The following RERE variants were observed in gnomAD, a reference collection of about 807,000 sequenced individuals.
The protein encoded by RERE is arginine-glutamic acid dipeptide repeats protein.
A neutral mutation model predicts 146.1 loss-of-function variants in RERE; 40 were observed. The ratio of observed to expected loss-of-function variants is 0.27; its 90% CI spans 0.21 to 0.36. The LOEUF is 0.36. RERE is among the 10% of genes least tolerant of loss of function. RERE has a pLI of 1.00. For missense variants in RERE, 1,933 were observed against 2,138.7 expected (o/e 0.90, Z 1.90); for synonymous variants, 1,003 against 866.0 (o/e 1.16, Z -2.78).
At chr1:8,729,034 G>C (rs1205904776) in intron 1 of RERE, among the ~76,000 whole-genome samples, 1 of 151,748 alleles carries the variant, frequency 6.6e-6, no homozygotes, top group Non-Finnish European at 1.5e-5. Flanking sequence ...GCATGGTGGC[G>C]CAAGCCTGTA....
At chr1:8,764,343 A>G (rs1557528376) in intron 1 of RERE, among the ~76,000 whole-genome samples, 1 of 152,190 alleles carries the variant, frequency 6.6e-6, no homozygotes, top group South Asian at 2.1e-4. Context: ...AATGAGAGGA[A>G]ACAAGGAACA....
intron 8 of RERE, among the ~76,000 whole-genome samples, chr1:8,501,928 A>G (rs1473507872): frequency 3.3e-5 from 2 of 60,124 alleles, no homozygotes; most frequent in African/African-American, 6.7e-5. Context: ...CCCGTCCGGG[A>G]GGGAGGTGGG....
chr1:8,775,257 C>T (rs1235317685), intron 1 of RERE, among the ~76,000 whole-genome samples: 1 of 152,150 alleles, frequency 6.6e-6, no homozygotes, highest in Non-Finnish European at 1.5e-5. Context: ...CCACACCCAG[C>T]CACATTTCTT....
chr1:8,779,798 C>T (rs1315146531), intron 1 of RERE, among the ~76,000 whole-genome samples: 1 of 152,084 alleles, frequency 6.6e-6, no homozygotes, highest in Non-Finnish European at 1.5e-5. Flanking sequence ...AGTGTTACAG[C>T]AGTAAAAAAC....
intron 4 of RERE, among the ~76,000 whole-genome samples, chr1:8,564,737 C>T (rs1386642693): frequency 3.3e-5 from 5 of 151,756 alleles, no homozygotes; most frequent in Non-Finnish European, 7.4e-5. Context: ...GTACTATTCA[C>T]AATAAACAAG....
chr1:8,570,052 T>A (rs923402798), intron 4 of RERE, among the ~76,000 whole-genome samples: 4 of 151,978 alleles, frequency 2.6e-5, no homozygotes, highest in African/African-American at 4.8e-5. Flanking sequence ...AATAAAAAAA[T>A]TTCTGGCTGG....
rs112288568 is a variant in RERE, at chr1:8,716,149, GA to G, written c.-144-59709del. Among the ~76,000 whole-genome samples the G allele has an allele frequency of 1.1e-4, 16 of 142,856 alleles. No individual in the cohort carries two copies. The East Asian group carries it at 1.2e-3, about 11-fold the overall frequency. 93.7% of individuals were successfully genotyped at this position (142,856 alleles called of 152,430 possible). On this transcript the variant is annotated intron_variant, in intron 1 of 22. Coordinates refer to ENST00000400908, the MANE Select transcript of RERE (RefSeq NM_001042681.2). ...AACAAAGTAAGGCCCCATCTCGAGG[GA>G]AAAAAAAAAGACAAAAAGAAAAGAT...
At chr1:8,473,409 G>C (rs954633003) in intron 10 of RERE, among the ~76,000 whole-genome samples, 3 of 152,200 alleles carry the variant, frequency 2.0e-5, no homozygotes, top group African/African-American at 7.2e-5. Context: ...TGCAAAGACA[G>C]GCATGCATGA....
intron 1 of RERE, chr1:8,799,435 G>A (rs1455680299): frequency 1.6e-5 from 3 of 183,110 alleles, no homozygotes; most frequent in Non-Finnish European, 3.6e-5. Context: ...TTACTGAGAG[G>A]CCAGGGTCAA....
intron 7 of RERE, among the ~76,000 whole-genome samples, chr1:8,515,771 A>G (rs373889273): frequency 1.3e-5 from 2 of 152,150 alleles, no homozygotes; most frequent in South Asian, 2.1e-4. Context: ...AAAAATCCAG[A>G]CCAAAGGCAG....
chr1:8,658,542 G>T (rs1378755962), intron 1 of RERE, among the ~76,000 whole-genome samples: 1 of 152,054 alleles, frequency 6.6e-6, no homozygotes, highest in African/African-American at 2.4e-5. Flanking sequence ...CAGATCACGA[G>T]GTCAGGAGGT....
Position 8,364,389 on chromosome 1 carries a change from C to T in RERE, c.1541-134G>A, listed in dbSNP as rs1641716234. 2 of 772,252 alleles carry T rather than the reference C, an allele frequency of 2.6e-6. No individual in the cohort carries two copies. The highest frequency in any genetic ancestry group is 4.3e-6 in the Non-Finnish European group (2 of 461,712). 47.8% of individuals were successfully genotyped at this position (772,252 alleles called of 1,614,324 possible). A position where few individuals can be genotyped will look rare whatever the true frequency, so the allele number is the denominator to read the frequency against. Reference sequence around the variant, plus strand: ...CACCATGCAGCCCTGGGCCCCAACACCCCAGGGCTAGTGCTGCCCTGCTCC... The same window carrying T: ...CACCATGCAGCCCTGGGCCCCAACATCCCAGGGCTAGTGCTGCCCTGCTCC... On this transcript the variant is annotated intron_variant, in intron 14 of 22. Transcript: ENST00000400908. This position sits in a 1 kb window ranked among gnomAD's most constrained non-coding sequence, Gnocchi z 5.1.
intron 6 of RERE, among the ~76,000 whole-genome samples, chr1:8,549,372 C>T (rs1394451504): frequency 1.3e-5 from 2 of 151,800 alleles, no homozygotes; most frequent in African/African-American, 4.8e-5. Flanking sequence ...CAAAGCTGGG[C>T]AATAAAACAA....
At chr1:8,757,327 A>G (rs567365913) in intron 1 of RERE, among the ~76,000 whole-genome samples, 22 of 152,304 alleles carry the variant, frequency 1.4e-4, no homozygotes, top group Middle Eastern at 3.4e-3. Flanking sequence ...TTCACTAAAT[A>G]ATCAATTTTT....
intron 1 of RERE, among the ~76,000 whole-genome samples, chr1:8,718,477 TG>T (rs1639802192): frequency 6.6e-6 from 1 of 152,240 alleles, no homozygotes; most frequent in African/African-American, 2.4e-5. Context: ...TGCAAGCCAA[TG>T]GATCACCAAC....
chr1:8,656,032 G>C lies in RERE; in HGVS notation c.266C>G (p.Thr89Arg). 1 of 1,614,032 alleles carries C rather than the reference G, an allele frequency of 6.2e-7. No individual in the cohort carries two copies. The highest frequency in any genetic ancestry group is 8.5e-7 in the Non-Finnish European group (1 of 1,180,000). Residue 89 changes from threonine to arginine, a missense_variant, in exon 2 of 23, where the codon ACA (threonine) becomes AGA (arginine). By Grantham distance (71) the Thr-to-Arg change is moderately conservative (BLOSUM62 -1). Around this residue, in one of 11 missense-constraint regions of RERE, gnomAD observed 107 missense variants for 119.7 expected, o/e 0.89. Coordinates refer to ENST00000400908, the MANE Select transcript of RERE (RefSeq NM_001042681.2). ...PPKKKSRYERTDTGEITSYIT... is the reference protein window; with the variant it reads ...PPKKKSRYERRDTGEITSYIT... Reference sequence around the variant, plus strand: ...GTAGGATGTTATCTCACCGGTATCTGTCCTTTCATAACGAGACTTTTTTTT... The same window carrying C: ...GTAGGATGTTATCTCACCGGTATCTCTCCTTTCATAACGAGACTTTTTTTT...
At chr1:8,475,277 G>A (rs1252804111) in intron 10 of RERE, among the ~76,000 whole-genome samples, 1 of 151,806 alleles carries the variant, frequency 6.6e-6, no homozygotes, top group Non-Finnish European at 1.5e-5. Flanking sequence ...GGGAGGCTGA[G>A]GCAGGAGAAT....
intron 10 of RERE, among the ~76,000 whole-genome samples, chr1:8,479,634 G>C (rs368652700): frequency 6.6e-6 from 1 of 152,278 alleles, no homozygotes; most frequent in Admixed American, 6.5e-5. Flanking sequence ...GAAAGATGGG[G>C]CCACAGCCAA....
At chr1:8,627,943 A>G (rs987009640) in intron 2 of RERE, among the ~76,000 whole-genome samples, 8 of 152,206 alleles carry the variant, frequency 5.3e-5, no homozygotes, top group African/African-American at 1.9e-4. Context: ...AACACTTCTC[A>G]GCAGTTGTAC....
Sources: allele counts gnomAD v4.1 joint callset (sites outside exome capture counted in the v4.1 genomes callset), GRCh38; gene constraint gnomAD v4.1.1; regional missense constraint gnomAD v4.1.1; non-coding constraint Gnocchi (gnomAD v3.1); transcripts MANE v1.5; gene names NCBI Gene and HGNC (gene_info 2026-07-23, HGNC 2026-07-21).